Variants in RGS3 observed in about 807,000 individuals in gnomAD.
RGS3 encodes the protein regulator of G-protein signalling 3.
RGS3 carries 80 observed loss-of-function variants against 132.6 expected under a neutral mutation model. That is an observed-to-expected ratio of 0.60 (90% confidence interval 0.50 to 0.73). RGS3 has a LOEUF of 0.73. Among genes scored for constraint, RGS3 ranks in the 30% least tolerant of loss-of-function variants. The probability of loss-of-function intolerance (pLI) is 0.00; values close to 1 mark genes in which losing one functional copy is unlikely to be tolerated. For synonymous variants in RGS3, 598 were observed against 620.6 expected (o/e 0.96, Z 0.54); for missense variants, 1,382 against 1,530.8 (o/e 0.90, Z 1.62).
intron 15 of RGS3, among the ~76,000 whole-genome samples, chr9:113,516,127 C>T (rs1011886657): frequency 6.6e-6 from 1 of 152,194 alleles, no homozygotes; most frequent in Admixed American, 6.5e-5. Context: ...CTTGGCCCCA[C>T]GGGCTTCATT....
intron 7 of RGS3, among the ~76,000 whole-genome samples, chr9:113,489,235 A>G (rs957702029): frequency 1.3e-5 from 2 of 152,174 alleles, no homozygotes; most frequent in Admixed American, 6.5e-5. Context: ...TCGTTCTCCA[A>G]TTTAACCCTC....
rs944997382 is a variant in RGS3, at chr9:113,531,832, A to G, written c.1914+2568A>G. Among the ~76,000 whole-genome samples, 5 of 152,168 alleles carry G rather than the reference A, an allele frequency of 3.3e-5. No individual in the cohort carries two copies. The East Asian group carries it at 7.7e-4, about 23-fold the overall frequency. ...GTAGCAGCTGCTTTCCTTCCTACCT[A>G]TGTCATAGGGTCATTAGGAGAACTG... is the stretch of plus-strand genomic sequence containing the variant. On this transcript the variant is annotated intron_variant, in intron 18 of 24. Transcript: ENST00000350696.
intron 3 of RGS3, among the ~76,000 whole-genome samples, chr9:113,476,186 G>A (rs1488108843): frequency 6.6e-6 from 1 of 152,170 alleles, no homozygotes; most frequent in African/African-American, 2.4e-5. Flanking sequence ...AGGTTGTGTT[G>A]GCAAACGCAG....
intron 7 of RGS3, among the ~76,000 whole-genome samples, chr9:113,491,072 G>T: frequency 7.3e-6 from 1 of 136,126 alleles, no homozygotes; most frequent in African/African-American, 2.8e-5. Flanking sequence ...TTATATATTG[G>T]TATATATAAT....
exon 22 of RGS3, chr9:113,594,472 G>T (rs1295337860): frequency 6.2e-7 from 1 of 1,613,796 alleles, no homozygotes; most frequent in East Asian, 2.2e-5. Context: ...TCAGACGGCG[G>T]AATGAGTCCC....
chr9:113,477,915 C>G (rs2119206050), intron 3 of RGS3, among the ~76,000 whole-genome samples: 1 of 152,240 alleles, frequency 6.6e-6, no homozygotes, highest in South Asian at 2.1e-4. Flanking sequence ...CAGTGCCTGT[C>G]CATGGGGTGG....
chr9:113,570,793 T>A (rs1381989572), intron 19 of RGS3, among the ~76,000 whole-genome samples: 1 of 152,070 alleles, frequency 6.6e-6, no homozygotes, highest in Non-Finnish European at 1.5e-5. Flanking sequence ...CGTGCCACCA[T>A]GCCCGGCTAA....
intron 3 of RGS3, among the ~76,000 whole-genome samples, chr9:113,472,841 G>A (rs879734733): frequency 6.6e-5 from 10 of 152,034 alleles, no homozygotes; most frequent in Non-Finnish European, 1.0e-4. Flanking sequence ...GAGTTCGAGA[G>A]CAGCCTGGCC....
intron 3 of RGS3, among the ~76,000 whole-genome samples, chr9:113,468,287 G>C (rs992427429): frequency 1.3e-5 from 2 of 152,156 alleles, no homozygotes; most frequent in Non-Finnish European, 2.9e-5. Flanking sequence ...AGTTGTCCCA[G>C]TACCATTTGT....
intron 16 of RGS3, among the ~76,000 whole-genome samples, chr9:113,521,950 C>A (rs1025760704): frequency 1.3e-5 from 2 of 152,200 alleles, no homozygotes; most frequent in Admixed American, 1.3e-4. Context: ...AGTTCACATA[C>A]TTAATAACAC....
chr9:113,573,717 GCC>G (rs1834384651), intron 19 of RGS3, among the ~76,000 whole-genome samples: 1 of 152,170 alleles, frequency 6.6e-6, no homozygotes, highest in South Asian at 2.1e-4. Context: ...ATTCTGCACT[GCC>G]CCTCCCAACA....
intron 1 of RGS3, among the ~76,000 whole-genome samples, chr9:113,454,169 C>T (rs1408816164): frequency 1.3e-5 from 2 of 152,108 alleles, no homozygotes; most frequent in Non-Finnish European, 2.9e-5. Flanking sequence ...TATTATGGTT[C>T]ATATTTTTTT....
intron 10 of RGS3, 81 bp downstream of exon 8, chr9:113,498,161 G>T: frequency 7.8e-7 from 1 of 1,277,718 alleles, no homozygotes; most frequent in South Asian, 1.2e-5. Context: ...AACCCCTAAA[G>T]GGGCAGCATT....
rs187211638 is a variant in RGS3 at position 113,562,345 on chromosome 9, C to T, written c.2038-21105C>T. The stretch of plus-strand genomic sequence containing the variant: ...GCAAAAAATCAGCTGGGTGTGGTGG[C>T]GCACGCCTGTAGTCCCAGCTACTAG... On this transcript the variant is annotated intron_variant, in intron 19 of 24. Coordinates refer to ENST00000350696, the Ensembl canonical transcript of RGS3. Among the ~76,000 whole-genome samples the T allele has an allele frequency of 3.9e-3, 597 of 152,052 alleles. 4 individuals carry two copies. The highest frequency in any genetic ancestry group is 0.014 in the Middle Eastern group (4 of 292).
At chr9:113,583,191 T>C (rs12347895) in intron 19 of RGS3, 55,760 of 580,410 alleles carry the variant, frequency 0.096, 3,324 homozygotes, top group African/African-American at 0.19. Context: ...GCTAGATAGA[T>C]AGTGGTTATC....
At chr9:113,512,607 C>T (rs1831456086) in intron 14 of RGS3, among the ~76,000 whole-genome samples, 1 of 152,078 alleles carries the variant, frequency 6.6e-6, no homozygotes. Flanking sequence ...GCTGTGGGTG[C>T]GCGTTGGTGG....
chr9:113,448,123 A>G (rs1829154823), intron 1 of RGS3, among the ~76,000 whole-genome samples: 1 of 151,942 alleles, frequency 6.6e-6, no homozygotes, highest in Non-Finnish European at 1.5e-5. Flanking sequence ...CTTCCAAAGT[A>G]CTGTGATTAT....
At chr9:113,515,748 C>T (rs1050656465) in intron 15 of RGS3, among the ~76,000 whole-genome samples, 5 of 152,170 alleles carry the variant, frequency 3.3e-5, no homozygotes, top group Non-Finnish European at 7.4e-5. Context: ...AAAAACAGAC[C>T]TTATTCTATA....
At chr9:113,499,610 A>G (rs1267662824) in intron 10 of RGS3, among the ~76,000 whole-genome samples, 1 of 152,220 alleles carries the variant, frequency 6.6e-6, no homozygotes, top group South Asian at 2.1e-4. Context: ...CTCATTCATC[A>G]TTCATTAAAT....
Sources: gnomAD v4.1 joint callset for allele counts (sites outside exome capture counted in the v4.1 genomes callset) on GRCh38, gnomAD v4.1.1 for gene constraint, MANE v1.5 for transcripts, NCBI Gene and HGNC (gene_info 2026-07-23, HGNC 2026-07-21) for gene names.